Variants in ABR observed in about 807,000 individuals in gnomAD.
ABR encodes active breakpoint cluster region-related protein.
A neutral mutation model predicts 107.2 loss-of-function variants in ABR; 35 were observed. The observed-to-expected ratio is 0.33, with a 90% CI of 0.25 to 0.43. ABR has a LOEUF of 0.43. ABR is among the 20% of genes least tolerant of loss of function. ABR has a pLI of 1.00. For synonymous variants in ABR, 498 were observed against 462.0 expected, an observed-to-expected ratio of 1.08 and a Z score of -1.00; for missense variants, 815 against 1,115.2, an observed-to-expected ratio of 0.73 and a Z score of 3.83.
chr17:1,073,733 C>G (rs2035445843), intron 6 of ABR, 56 bp from the exon 7 acceptor site: 2 of 1,495,906 alleles, frequency 1.3e-6, no homozygotes, highest in East Asian at 4.7e-5. Flanking sequence ...GGCAACCCAA[C>G]ACCCCAGAGA....
intron 16 of ABR, among the ~76,000 whole-genome samples, chr17:1,017,928 T>C (rs936065432): frequency 6.6e-6 from 1 of 151,378 alleles, no homozygotes; most frequent in Admixed American, 6.6e-5. Flanking sequence ...AGAGACAGGG[T>C]CTCACTGTGC....
intron 18 of ABR, 141 bp from the exon 19 acceptor site, chr17:1,012,126 G>A (rs1567565073): frequency 7.1e-7 from 1 of 1,404,426 alleles, no homozygotes; most frequent in Non-Finnish European, 9.8e-7. Flanking sequence ...GCAGGGCAGA[G>A]AAAGAGGCCA....
In ABR at chr17:1,010,573, C is replaced by T. The variant is rs2070447374; in HGVS notation, c.2236+156G>A. On this transcript the variant is annotated intron_variant, in intron 20 of 22. Coordinates refer to ENST00000302538, the MANE Select transcript of ABR (RefSeq NM_021962.5). This position sits in a 1 kb window ranked among gnomAD's most constrained non-coding sequence, Gnocchi z 4.1. ...CTGCACCAGGTCCCAGCAGGCCACACCTCACCCTCGGACCCCTCAGCCACA... is the reference window on the plus strand; with the variant it reads ...CTGCACCAGGTCCCAGCAGGCCACATCTCACCCTCGGACCCCTCAGCCACA... 4 of 1,002,162 alleles carry T rather than the reference C, an allele frequency of 4.0e-6. No individual in the cohort carries two copies. Among genetic ancestry groups the T allele is most frequent in the Admixed American group, 2.7e-5 (1 of 37,018 alleles). 62.1% of individuals were successfully genotyped at this position (1,002,162 alleles called of 1,614,324 possible).
intron 5 of ABR, 24 bp downstream of exon 5, chr17:1,083,496 G>A: frequency 6.4e-7 from 1 of 1,557,600 alleles, no homozygotes. Flanking sequence ...GTCCCTCAGG[G>A]TGGCTATGTG....
At chr17:1,103,338 C>T (rs928346321) in intron 2 of ABR, among the ~76,000 whole-genome samples, 2 of 152,102 alleles carry the variant, frequency 1.3e-5, no homozygotes, top group African/African-American at 4.8e-5. Context: ...CAGCTCCAGC[C>T]CCTCCAGGTC....
At chr17:1,100,986 G>A in intron 2 of ABR, 1 of 525,644 alleles carries the variant, frequency 1.9e-6, no homozygotes, top group Middle Eastern at 5.3e-4. Context: ...ACCATGCCCA[G>A]ATAATTTTTG....
rs936293050 is a variant in ABR, at chr17:1,010,069, T to G, written c.2237-285A>C. On this transcript the variant is annotated intron_variant, in intron 20 of 22. Coordinates refer to ENST00000302538, the MANE Select transcript of ABR (RefSeq NM_021962.5). This position sits in a 1 kb window ranked among gnomAD's most constrained non-coding sequence, Gnocchi z 4.1. The stretch of plus-strand genomic sequence containing the variant: ...CTTGGGTGCTGGGGCATCCCCTGTC[T>G]CGTAACAGGACACCCCCTGGTCTGT... 4 of 533,052 alleles carry G rather than the reference T, an allele frequency of 7.5e-6. No homozygotes were observed. In the Admixed American group the frequency reaches 9.4e-5, roughly 12 times the overall value. 33.0% of individuals were successfully genotyped at this position (533,052 alleles called of 1,614,324 possible).
upstream of ABR, among the ~76,000 whole-genome samples, chr17:1,183,055 G>A (rs914838999): frequency 2.0e-5 from 3 of 152,202 alleles, no homozygotes; most frequent in African/African-American, 7.2e-5. Flanking sequence ...AGGAGTTAAA[G>A]AGTCCTTCTC....
intron 1 of ABR, among the ~76,000 whole-genome samples, chr17:1,216,393 C>G (rs995472826): frequency 6.6e-6 from 1 of 152,150 alleles, no homozygotes. Context: ...AACCCAGCTC[C>G]GAGTCTTCCT....
chr17:1,168,186 T>C (rs565091464), intron 1 of ABR, among the ~76,000 whole-genome samples: 1 of 152,266 alleles, frequency 6.6e-6, no homozygotes, highest in South Asian at 2.1e-4. Context: ...CTCGGGAGGC[T>C]GAGGCAGGAG....
chr17:1,012,699 G>A lies in ABR; in HGVS notation c.1950C>T (p.Ser650=), dbSNP rs371348147. The A allele has an allele frequency of 7.8e-5, 123 of 1,581,990 alleles. No individual in the cohort carries two copies. Among genetic ancestry groups the A allele is most frequent in the Non-Finnish European group, 9.3e-5 (108 of 1,162,666 alleles). ...KQTGVFGVKI[S]VVTKRERSKV... ...GAGGCAGCACCTACTTCGTCACCAC[G>A]CTGATCTTCACACCGAAGACGCCGG... The change falls in exon 18 of 23, where the codon AGC becomes AGT. Residue 650 remains serine (S), a synonymous_variant. Coordinates refer to ENST00000302538, the MANE Select transcript of ABR (RefSeq NM_021962.5).
rs1238454346 is a variant in ABR at position 1,159,587 on chromosome 17, G to A, written c.61+20080C>T. 1.9e-5 allele frequency among the ~76,000 whole-genome samples: 2 copies of A among 105,464 alleles called. 1 individual carries two copies. Among genetic ancestry groups the A allele is most frequent in the Non-Finnish European group, 4.0e-5 (2 of 50,022 alleles). The allele number at this position is 105,464 out of a possible 152,430, so 69.2% of individuals were successfully genotyped here. The stretch of plus-strand genomic sequence containing the variant: ...ACTCACACACGGGAGAAGTAAGAAT[G>A]CGGTACTCACACACATGAGAAGTAA... On this transcript the variant is annotated intron_variant, in intron 1 of 22. Transcript: ENST00000302538.
intron 1 of ABR, among the ~76,000 whole-genome samples, chr17:1,203,308 G>A (rs1195748586): frequency 6.7e-6 from 1 of 150,238 alleles, no homozygotes; most frequent in Non-Finnish European, 1.5e-5. Context: ...GGCCCGGCTC[G>A]TGGGGGCGGA....
At chr17:1,062,188 C>T (rs199787121) in intron 10 of ABR, among the ~76,000 whole-genome samples, 1 of 85,390 alleles carries the variant, frequency 1.2e-5, no homozygotes. Flanking sequence ...TTCCTCTAGA[C>T]ACTGTTGTTA....
rs1329572231 is a variant in ABR at position 1,194,699 on chromosome 17, G to T, written c.838+34094C>A. Among the ~76,000 whole-genome samples, 5 of 123,748 alleles carry T rather than the reference G, an allele frequency of 4.0e-5. 2 individuals carry two copies. The highest frequency in any genetic ancestry group is 3.0e-4 in the Admixed American group (3 of 9,940). The allele number at this position is 123,748 out of a possible 152,430, so 81.2% of individuals were successfully genotyped here. ...GATGGAGTCTCGCTCTGTTGCCCAG[G>T]CTGGAGTGCAGTGGTGCGGTCTCAG... On this transcript the variant is annotated intron_variant, in intron 1 of 22. Coordinates refer to the ABR transcript ENST00000574139.
chr17:1,005,123 T>C lies in ABR; in HGVS notation c.*957A>G, dbSNP rs1336505139. On this transcript the variant is annotated 3_prime_UTR_variant, in exon 23 of 23. Coordinates refer to ENST00000302538, the MANE Select transcript of ABR (RefSeq NM_021962.5). The stretch of plus-strand genomic sequence containing the variant: ...GTGCATTCCTCCCCCGTTCAGCCTG[T>C]GGTGTTTCCTCAGCAGCCTGACCGC... 1 of 398,820 alleles carries C rather than the reference T, an allele frequency of 2.5e-6. No homozygotes were observed. The highest frequency in any genetic ancestry group is 1.3e-4 in the South Asian group (1 of 7,860). The allele number at this position is 398,820 out of a possible 1,614,324, so 24.7% of individuals were successfully genotyped here.
chr17:1,142,717 G>A (rs939362801), intron 1 of ABR, among the ~76,000 whole-genome samples: 1 of 152,148 alleles, frequency 6.6e-6, no homozygotes, highest in East Asian at 1.9e-4. Context: ...TGTGGGATTC[G>A]CTGGGGAAGA....
In ABR at chr17:1,196,696, C is replaced by CTTT. The variant is rs377678872; in HGVS notation, c.838+32094_838+32096dup. Among the ~76,000 whole-genome samples, 3 of 134,882 alleles carry CTTT rather than the reference C, an allele frequency of 2.2e-5. No homozygotes were observed. In the East Asian group the frequency reaches 6.9e-4, roughly 31 times the overall value. 88.5% of individuals were successfully genotyped at this position (134,882 alleles called of 152,430 possible). A position where few individuals can be genotyped will look rare whatever the true frequency, so the allele number is the denominator to read the frequency against. On this transcript the variant is annotated intron_variant, in intron 1 of 22. Transcript: ENST00000574139. Reference sequence around the variant, plus strand: ...GGAAGCTACAGGAGATCCAACCTTCCTTTTTTTTTTTTTTTTGAGACGGAG... The same window carrying CTTT: ...GGAAGCTACAGGAGATCCAACCTTCCTTTTTTTTTTTTTTTTTTTGAGACGGAG...
intron 1 of ABR, among the ~76,000 whole-genome samples, chr17:1,172,989 AGTCCACCCAACACATCACCTC>A (rs2041775482): frequency 2.2e-5 from 1 of 45,452 alleles, no homozygotes; most frequent in Admixed American, 2.5e-4. Context: ...ACATCACCTC[AGTCCACCCAACACATCACCTC>A]AGTCCACCCA....
Sources: gnomAD v4.1 joint callset for allele counts (sites outside exome capture counted in the v4.1 genomes callset) on GRCh38, gnomAD v4.1.1 for gene constraint, Gnocchi (gnomAD v3.1) non-coding constraint, MANE v1.5 for transcripts, NCBI Gene and HGNC (gene_info 2026-07-23, HGNC 2026-07-21) for gene names.